Variants in PRELID2 observed in about 807,000 individuals in gnomAD.
The protein encoded by PRELID2 is PRELI domain containing 2, also known as PRELI domain-containing protein 2.
Under a neutral mutation model 28.4 loss-of-function variants are expected in PRELID2, and 25 were observed. The observed-to-expected ratio is 0.88, with a 90% CI of 0.64 to 1.23. The LOEUF is 1.23. PRELID2 is among the 50% of genes most tolerant of loss of function. The probability of loss-of-function intolerance (pLI) is 0.00; values close to 1 mark genes in which losing one functional copy is unlikely to be tolerated. For missense variants in PRELID2, 201 were observed against 214.4 expected (o/e 0.94, Z 0.39); for synonymous variants, 76 against 71.6 (o/e 1.06, Z -0.31).
intron 1 of PRELID2, among the ~76,000 whole-genome samples, chr5:145,489,980 G>T (rs1032165893): frequency 2.6e-5 from 4 of 152,158 alleles, no homozygotes; most frequent in African/African-American, 9.7e-5. Flanking sequence ...TAAATTTGAT[G>T]TGAATTCTTA....
chr5:145,291,335 C>CACAAAAA, the PRELID2 span, among the ~76,000 whole-genome samples: 15 of 57,474 alleles, frequency 2.6e-4, 1 homozygote, highest in African/African-American at 1.6e-3. Flanking sequence ...GACTCTGTTT[C>CACAAAAA]AGAAAAAAAA....
the PRELID2 span, among the ~76,000 whole-genome samples, chr5:145,277,977 C>A: frequency 6.6e-6 from 1 of 152,164 alleles, no homozygotes; most frequent in Admixed American, 6.6e-5. Context: ...TTCCGGGAAA[C>A]CCAGCCTGCG....
the PRELID2 span, among the ~76,000 whole-genome samples, chr5:145,387,806 C>A: frequency 6.6e-6 from 1 of 151,792 alleles, no homozygotes; most frequent in Admixed American, 6.6e-5. Context: ...GTGGAGCACA[C>A]CTGTAGTCCC....
intron 1 of PRELID2, among the ~76,000 whole-genome samples, chr5:145,669,662 C>T (rs1754666590): frequency 6.6e-6 from 1 of 152,112 alleles, no homozygotes; most frequent in South Asian, 2.1e-4. Context: ...TAATGGCCAA[C>T]ACCTTGAATG....
the PRELID2 span, among the ~76,000 whole-genome samples, chr5:145,399,408 C>T: frequency 7.2e-4 from 109 of 152,160 alleles, no homozygotes; most frequent in African/African-American, 2.5e-3. Flanking sequence ...ATTTCTATAT[C>T]CTGCTAAAAC....
downstream of PRELID2, among the ~76,000 whole-genome samples, chr5:145,467,038 G>A (rs1484794091): frequency 1.3e-5 from 2 of 152,126 alleles, no homozygotes; most frequent in Admixed American, 1.3e-4. Context: ...ATGACCCTTT[G>A]ATGATATTAT....
chr5:145,265,568 A>G, the PRELID2 span, among the ~76,000 whole-genome samples: 4 of 152,190 alleles, frequency 2.6e-5, no homozygotes. Context: ...GATTCAAACT[A>G]TACTGTAAGT....
intron 1 of PRELID2, among the ~76,000 whole-genome samples, chr5:145,739,919 AAAAG>A (rs1756607198): frequency 6.7e-6 from 1 of 150,188 alleles, no homozygotes; most frequent in Non-Finnish European, 1.5e-5. Flanking sequence ...AAGTTTTTAA[AAAAG>A]AAAGAAAACA....
chr5:145,597,498 C>T (rs979285350), intron 1 of PRELID2, among the ~76,000 whole-genome samples: 12 of 152,024 alleles, frequency 7.9e-5, no homozygotes, highest in Admixed American at 2.6e-4. Flanking sequence ...ATTTAAAATT[C>T]GAGATAAATG....
chr5:145,619,882 TAGAG>T (rs1753750990), intron 1 of PRELID2, among the ~76,000 whole-genome samples: 1 of 152,054 alleles, frequency 6.6e-6, no homozygotes, highest in Non-Finnish European at 1.5e-5. Flanking sequence ...CAAATAATAA[TAGAG>T]AAATTCCAGC....
the PRELID2 span, among the ~76,000 whole-genome samples, chr5:145,442,216 T>TG: frequency 6.6e-6 from 1 of 152,036 alleles, no homozygotes; most frequent in African/African-American, 2.4e-5. Context: ...CACAAACAAA[T>TG]GATGATGACT....
At chr5:145,308,032 G>T in the PRELID2 span, among the ~76,000 whole-genome samples, 1 of 152,128 alleles carries the variant, frequency 6.6e-6, no homozygotes, top group African/African-American at 2.4e-5. Context: ...CACAGTGAAA[G>T]AAGGAATCAT....
chr5:145,422,538 A>T, the PRELID2 span, among the ~76,000 whole-genome samples: 2 of 151,720 alleles, frequency 1.3e-5, no homozygotes, highest in Admixed American at 1.3e-4. Flanking sequence ...CTGTTTTATC[A>T]GAGACTAGGA....
chr5:145,229,850 A>G, the PRELID2 span: 1 of 758,022 alleles, frequency 1.3e-6, no homozygotes, highest in Non-Finnish European at 2.4e-6. Context: ...AGGAGCCGGC[A>G]GAAGGGAAAG....
chr5:145,785,328 T>C (rs745571051), intron 5 of PRELID2, among the ~76,000 whole-genome samples: 2 of 152,220 alleles, frequency 1.3e-5, no homozygotes, highest in Admixed American at 1.3e-4. Context: ...ATGTTAAACA[T>C]ACAGACAAAA....
the PRELID2 span, among the ~76,000 whole-genome samples, chr5:145,314,656 T>C: frequency 4.8e-4 from 73 of 152,176 alleles, 1 homozygote; most frequent in African/African-American, 1.6e-3. Flanking sequence ...GTTCAATAAT[T>C]ATTTAGATTT....
chr5:145,724,553 C>T (rs1384697403), intron 1 of PRELID2, among the ~76,000 whole-genome samples: 5 of 130,042 alleles, frequency 3.8e-5, no homozygotes, highest in Non-Finnish European at 6.5e-5. Context: ...TTTGTTATTC[C>T]TCGTTGATGT....
At chr5:145,687,512 G>C (rs567660176) in intron 1 of PRELID2, among the ~76,000 whole-genome samples, 1 of 152,230 alleles carries the variant, frequency 6.6e-6, no homozygotes, top group South Asian at 2.1e-4. Context: ...TGTGATCCTG[G>C]ACTGGATCCT....
At chr5:145,271,983 A>G in the PRELID2 span, among the ~76,000 whole-genome samples, 1 of 152,028 alleles carries the variant, frequency 6.6e-6, no homozygotes, top group Non-Finnish European at 1.5e-5. Context: ...GATTGCATTA[A>G]ATCTCTCTGG....
Sources: gnomAD v4.1 joint callset for allele counts (sites outside exome capture counted in the v4.1 genomes callset) on GRCh38, gnomAD v4.1.1 for gene constraint, MANE v1.5 for transcripts, NCBI Gene and HGNC (gene_info 2026-07-23, HGNC 2026-07-21) for gene names.